DDAH1: variants seen among roughly 807,000 people sequenced by gnomAD.
DDAH1 encodes dimethylarginine dimethylaminohydrolase 1.
Under a neutral mutation model 28.8 loss-of-function variants are expected in DDAH1, and 19 were observed. The ratio of observed to expected loss-of-function variants is 0.66; its 90% CI spans 0.46 to 0.97. DDAH1 has a LOEUF of 0.97. Among genes scored for constraint, DDAH1 ranks in the 50% least tolerant of loss-of-function variants. The pLI is 0.00. For synonymous variants in DDAH1, 153 were observed against 154.4 expected (o/e 0.99, Z 0.07); for missense variants, 326 against 375.9 (o/e 0.87, Z 1.10).
intron 2 of DDAH1, among the ~76,000 whole-genome samples, chr1:85,489,263 A>G (rs901426034): frequency 3.3e-5 from 5 of 152,216 alleles, no homozygotes; most frequent in African/African-American, 1.2e-4. Context: ...AGCAAAAATA[A>G]TAGGGTGTGT....
At chr1:85,350,033 A>G (rs1649110364) in intron 4 of DDAH1, among the ~76,000 whole-genome samples, 1 of 152,260 alleles carries the variant, frequency 6.6e-6, no homozygotes, top group Non-Finnish European at 1.5e-5. Flanking sequence ...AAAGGATAAG[A>G]ATAATATAAC....
intron 1 of DDAH1, among the ~76,000 whole-genome samples, chr1:85,537,725 C>T (rs1332037973): frequency 1.3e-5 from 2 of 150,834 alleles, no homozygotes; most frequent in East Asian, 3.9e-4. Context: ...ATTAGGGAAG[C>T]TTCTTAAAAA....
chr1:85,471,774 T>C (rs542543665), intron 2 of DDAH1, among the ~76,000 whole-genome samples: 1 of 152,364 alleles, frequency 6.6e-6, no homozygotes, highest in African/African-American at 2.4e-5. Flanking sequence ...ATAGGGACAC[T>C]GCAAACACTC....
intron 1 of DDAH1, among the ~76,000 whole-genome samples, chr1:85,444,848 C>A (rs1557639331): frequency 4.6e-5 from 7 of 152,010 alleles, no homozygotes; most frequent in Non-Finnish European, 4.4e-5. Flanking sequence ...TCTAGAGGAA[C>A]AGAACTAATG....
At position 85,549,354 on chromosome 1, in the gene DDAH1, A is replaced by G. The variant is rs140488644; in HGVS notation, c.-123+28630T>C. On this transcript the variant is annotated intron_variant, in intron 1 of 6. Coordinates refer to the DDAH1 transcript ENST00000426972. Reference sequence around the variant, plus strand: ...CACCTGGAGTGCTTGTTTAAACAAGAGTTGCTGAACCCCTCTGCCACAGTT... The same window carrying G: ...CACCTGGAGTGCTTGTTTAAACAAGGGTTGCTGAACCCCTCTGCCACAGTT... Among the ~76,000 whole-genome samples the G allele has an allele frequency of 3.6e-3, 546 of 152,302 alleles. 5 individuals carry two copies. The highest frequency in any genetic ancestry group is 0.02 in the South Asian group (95 of 4,826).
In DDAH1 at chr1:85,464,900, A is replaced by G; in HGVS notation, c.146T>C (p.Leu49Pro). Residue 49 changes from leucine (L) to proline (P), a missense_variant, in exon 1 of 6, where the codon CTC becomes CCC. Coordinates refer to ENST00000284031, the MANE Select transcript of DDAH1 (RefSeq NM_012137.4). The surrounding 1 kb of genome is among the most constrained non-coding windows in gnomAD (Gnocchi z 4.4). ...CTTGCTGCCCAGCACGCCCACGTAG[A>G]GCTGGTGCTGCCGTTCCGCGCGGGC... ...DVARAERQHQ[L>P]YVGVLGSKLG... is the part of the protein sequence containing the mutation. 1 of 1,569,138 alleles carries G rather than the reference A, an allele frequency of 6.4e-7. No homozygotes were observed. Among genetic ancestry groups the G allele is most frequent in the Non-Finnish European group, 8.6e-7 (1 of 1,168,226 alleles).
At chr1:85,452,551 G>T (rs1654712769) in intron 1 of DDAH1, among the ~76,000 whole-genome samples, 1 of 151,718 alleles carries the variant, frequency 6.6e-6, no homozygotes, top group Admixed American at 6.6e-5. Flanking sequence ...AAAAAAAACT[G>T]GAGTGACCTA....
intron 1 of DDAH1, among the ~76,000 whole-genome samples, chr1:85,368,282 T>A (rs1650181093): frequency 5.3e-5 from 8 of 152,156 alleles, no homozygotes; most frequent in Admixed American, 5.2e-4. Context: ...AAAGGGCATA[T>A]AGCATCTAGG....
chr1:85,481,630 T>A (rs377681713), intron 2 of DDAH1, among the ~76,000 whole-genome samples: 5 of 152,246 alleles, frequency 3.3e-5, no homozygotes, highest in Admixed American at 6.5e-5. Context: ...TCTTTTACCA[T>A]GCAGACTGAA....
chr1:85,468,038 A>G (rs1332763243), upstream of DDAH1, among the ~76,000 whole-genome samples: 1 of 152,204 alleles, frequency 6.6e-6, no homozygotes, highest in East Asian at 1.9e-4. Context: ...GGCCTTAAAT[A>G]ATTTTTGGAT....
chr1:85,413,330 G>A (rs1652746131), intron 1 of DDAH1, among the ~76,000 whole-genome samples: 1 of 152,348 alleles, frequency 6.6e-6, no homozygotes, highest in East Asian at 1.9e-4. Flanking sequence ...CCAAAGCTAA[G>A]CTTTGAAAGT....
At chr1:85,511,359 A>G (rs1183624137) in intron 1 of DDAH1, among the ~76,000 whole-genome samples, 2 of 152,232 alleles carry the variant, frequency 1.3e-5, no homozygotes, top group Admixed American at 6.5e-5. Context: ...CAGTGTGTAG[A>G]GGGAAATTTA....
intron 1 of DDAH1, among the ~76,000 whole-genome samples, chr1:85,560,957 TG>T (rs1659122846): frequency 6.6e-6 from 1 of 152,108 alleles, no homozygotes; most frequent in Non-Finnish European, 1.5e-5. Flanking sequence ...TTTTTAAAAA[TG>T]TATGTTCTTT....
intron 1 of DDAH1, among the ~76,000 whole-genome samples, chr1:85,556,889 G>T (rs1306303835): frequency 2.6e-5 from 4 of 152,192 alleles, no homozygotes; most frequent in Non-Finnish European, 4.4e-5. Context: ...GGCCGAGGCG[G>T]GCTGATTACC....
upstream of DDAH1, chr1:85,465,259 C>G: frequency 9.4e-7 from 1 of 1,067,052 alleles, no homozygotes; most frequent in Admixed American, 5.2e-5. Flanking sequence ...CGCGCCCACT[C>G]CGGCGCTCGC....
rs189373460 is a variant in DDAH1, at chr1:85,555,390, G to A, written c.-123+22594C>T. Among the ~76,000 whole-genome samples the A allele has an allele frequency of 1.7e-3, 254 of 152,276 alleles. 1 individual carries two copies. Among genetic ancestry groups the A allele is most frequent in the African/African-American group, 5.8e-3 (242 of 41,548 alleles). The stretch of plus-strand genomic sequence containing the variant: ...GTAAATTGTCCTTAGGAAGGTTACG[G>A]GATTCATCCCAGATTTTTTAATTCC... On this transcript the variant is annotated intron_variant, in intron 1 of 6. Coordinates refer to the DDAH1 transcript ENST00000426972.
At chr1:85,545,242 G>C (rs1453020138) in intron 1 of DDAH1, among the ~76,000 whole-genome samples, 1 of 152,102 alleles carries the variant, frequency 6.6e-6, no homozygotes, top group Non-Finnish European at 1.5e-5. Flanking sequence ...AAAGCACAGA[G>C]GGAGAAGCAG....
intron 1 of DDAH1, among the ~76,000 whole-genome samples, chr1:85,452,201 C>T (rs1232143395): frequency 6.6e-6 from 1 of 152,148 alleles, no homozygotes; most frequent in Non-Finnish European, 1.5e-5. Flanking sequence ...GTGCCTTTGA[C>T]ACATGCCAAA....
At chr1:85,487,628 G>A (rs925316264) in intron 2 of DDAH1, among the ~76,000 whole-genome samples, 1 of 151,924 alleles carries the variant, frequency 6.6e-6, no homozygotes, top group African/African-American at 2.4e-5. Flanking sequence ...TCCTTGAACT[G>A]GTAGCACATT....
Sources: gnomAD v4.1 joint callset for allele counts (sites outside exome capture counted in the v4.1 genomes callset) on GRCh38, gnomAD v4.1.1 for gene constraint, Gnocchi (gnomAD v3.1) non-coding constraint, MANE v1.5 for transcripts, NCBI Gene and HGNC (gene_info 2026-07-23, HGNC 2026-07-21) for gene names.